HPN: variants seen among roughly 807,000 people sequenced by gnomAD.
HPN encodes the protein hepsin.
HPN carries 13 observed loss-of-function variants against 55.9 expected under a neutral mutation model. The ratio of observed to expected loss-of-function variants is 0.23; its 90% confidence interval spans 0.15 to 0.37. HPN has a LOEUF of 0.37. Among genes scored for constraint, HPN ranks in the 10% least tolerant of loss-of-function variants. The pLI is 1.00. For missense variants in HPN, 451 were observed against 575.8 expected (o/e 0.78, Z 2.22); for synonymous variants, 225 against 240.3 (o/e 0.94, Z 0.59).
intron 9 of HPN, 131 bp from the exon 10 acceptor site, chr19:35,065,119 G>C: frequency 1.6e-6 from 1 of 611,448 alleles, no homozygotes; most frequent in Non-Finnish European, 2.9e-6. Flanking sequence ...ACTGTGCCCA[G>C]CCTATTGTGG....
chr19:35,065,567 T>C lies in HPN; in HGVS notation c.936T>C (p.Ala312=). 6.2e-7 allele frequency: 1 copy of C among 1,614,124 alleles called. No individual in the cohort carries two copies. The highest frequency in any genetic ancestry group is 8.5e-7 in the Non-Finnish European group (1 of 1,180,020). ...AACAGGCCGGGGTACTCCAGGAGGC[T>C]CGAGTCCCCATAATCAGCAATGATG... ...YGQQAGVLQE[A]RVPIISNDVC... The change falls in exon 11 of 13, where the codon GCT becomes GCC. Residue 312 remains alanine (A), a synonymous_variant. Transcript: ENST00000672452.
chr19:35,061,415 G>A (rs1231868720), intron 9 of HPN, among the ~76,000 whole-genome samples: 1 of 149,524 alleles, frequency 6.7e-6, no homozygotes, highest in Non-Finnish European at 1.5e-5. Flanking sequence ...CCAACATGGT[G>A]AAACTCCATC....
intron 4 of HPN, chr19:35,050,473 A>T (rs1000833033): frequency 7.8e-7 from 1 of 1,285,946 alleles, no homozygotes; most frequent in African/African-American, 1.5e-5. Flanking sequence ...CAGAGAGGAC[A>T]TGCAGCTGGG....
intron 2 of HPN, among the ~76,000 whole-genome samples, chr19:35,043,738 G>A (rs2064316152): frequency 2.0e-5 from 3 of 152,246 alleles, no homozygotes; most frequent in South Asian, 2.1e-4. Context: ...CACCCTAGCC[G>A]AGCAGGTGGA....
intron 4 of HPN, among the ~76,000 whole-genome samples, chr19:35,057,080 C>T (rs7252069): frequency 8.5e-5 from 13 of 152,142 alleles, no homozygotes; most frequent in Non-Finnish European, 1.6e-4. Context: ...CTCACTTAAC[C>T]GACAGTCACA....
intron 4 of HPN, among the ~76,000 whole-genome samples, chr19:35,050,892 T>C (rs1434823426): frequency 1.3e-5 from 2 of 150,048 alleles, no homozygotes; most frequent in African/African-American, 4.9e-5. Flanking sequence ...CTTTTCTTTT[T>C]TTTTTCTTTC....
intron 9 of HPN, among the ~76,000 whole-genome samples, chr19:35,063,333 T>C (rs2064558650): frequency 6.6e-6 from 1 of 152,270 alleles, no homozygotes; most frequent in South Asian, 2.1e-4. Context: ...GTTGGCATTA[T>C]GTTTATTTTT....
chr19:35,064,900 C>A (rs1050859770), intron 9 of HPN, among the ~76,000 whole-genome samples: 1 of 152,112 alleles, frequency 6.6e-6, no homozygotes, highest in Admixed American at 6.6e-5. Flanking sequence ...CGGCTCACTG[C>A]AACCTCCACC....
chr19:35,050,571 A>T (rs971447509), intron 4 of HPN: 1 of 1,240,160 alleles, frequency 8.1e-7, no homozygotes, highest in Admixed American at 2.5e-5. Context: ...AAATAAATAG[A>T]TAAAGAAACT....
chr19:35,050,684 A>G (rs1405533883), intron 4 of HPN, among the ~76,000 whole-genome samples: 1 of 152,124 alleles, frequency 6.6e-6, no homozygotes. Context: ...GGTGGGATGT[A>G]TTTTTCATGT....
intron 4 of HPN, among the ~76,000 whole-genome samples, chr19:35,052,904 T>A (rs978055760): frequency 2.0e-5 from 3 of 152,110 alleles, no homozygotes; most frequent in African/African-American, 7.2e-5. Flanking sequence ...AGGCCACCAC[T>A]CACACCCGGC....
rs1295729332 is a variant in HPN, at chr19:35,060,724, C to T, written c.718C>T (p.His240Tyr). Reference protein sequence around the residue: ...LQLGVQAVVYHGGYLPFRDPN... With the variant: ...LQLGVQAVVYYGGYLPFRDPN... ...GCTGGGGGTGCAGGCTGTGGTCTAC[C>T]ACGGGGGCTATCTTCCCTTTCGGGA... The change falls in exon 9 of 13, where the codon CAC (histidine) becomes TAC (tyrosine). Residue 240 changes from histidine (H) to tyrosine (Y), a missense_variant. By Grantham distance (83) the His-to-Tyr change is moderately conservative. Coordinates refer to ENST00000672452, the MANE Select transcript of HPN (RefSeq NM_001384133.1). The T allele has an allele frequency of 6.2e-7, 1 of 1,614,138 alleles. No homozygotes were observed.
At chr19:35,060,560 G>C in intron 8 of HPN, 48 bp downstream of exon 8, 2 of 1,612,008 alleles carry the variant, frequency 1.2e-6, no homozygotes, top group Non-Finnish European at 1.7e-6. Flanking sequence ...GAGGAGCGGA[G>C]AGACAGTGGG....
chr19:35,059,282 C>G (rs563846093), intron 4 of HPN: 6 of 352,766 alleles, frequency 1.7e-5, no homozygotes, highest in South Asian at 1.3e-4. Flanking sequence ...GGCAACATAG[C>G]AAGACCCGTC....
upstream of HPN, chr19:35,041,690 A>AGAAAC: frequency 1.3e-6 from 1 of 773,492 alleles, no homozygotes; most frequent in Non-Finnish European, 1.5e-6. Context: ...CCGCCCCTTC[A>AGAAAC]CCCGCCCCTC....
In HPN at chr19:35,066,348, G is replaced by T; in HGVS notation, c.*61G>T. On this transcript the variant is annotated 3_prime_UTR_variant, in exon 13 of 13. Coordinates refer to ENST00000672452, the MANE Select transcript of HPN (RefSeq NM_001384133.1). ...AGGTGATCCCGGTGGTGGGATCCAC[G>T]CTGGGCCTAGGATGGGACGTTTTTC... 2 of 1,571,058 alleles carry T rather than the reference G, an allele frequency of 1.3e-6. No homozygotes were observed. Among genetic ancestry groups the T allele is most frequent in the East Asian group, 2.4e-5 (1 of 42,178 alleles).
rs374954663 is a variant in HPN at position 35,049,059 on chromosome 19, C to G, written c.17-231C>G. Among the ~76,000 whole-genome samples the G allele has an allele frequency of 5.8e-4, 89 of 152,300 alleles. 3 individuals are homozygous for G. The East Asian group carries it at 0.011, about 18-fold the overall frequency. On this transcript the variant is annotated intron_variant, in intron 2 of 12. Coordinates refer to ENST00000672452, the MANE Select transcript of HPN (RefSeq NM_001384133.1). ...GAGGTGGAGACCGTGGCAGGTGGCC[C>G]GGCCATGCCCCCCTCCCAGCTGGAA...
rs1365411746 is a variant in HPN at position 35,042,441 on chromosome 19, A to G, written c.-54-12A>G. 3.2e-6 allele frequency: 5 copies of G among 1,566,738 alleles called. No homozygotes were observed. The highest frequency in any genetic ancestry group is 4.3e-6 in the Non-Finnish European group (5 of 1,156,134). On this transcript the variant is annotated splice_polypyrimidine_tract_variant and intron_variant, in intron 1 of 12. Transcript: ENST00000672452. ...TCCCCCAGGCCCTGCCTCCCCGTCCATCTCCTCACAGGTCCCACCCTGGCC... is the reference window on the plus strand; with the variant it reads ...TCCCCCAGGCCCTGCCTCCCCGTCCGTCTCCTCACAGGTCCCACCCTGGCC...
At chr19:35,065,477 C>T in intron 10 of HPN, 62 bp from the exon 11 acceptor site, 1 of 1,592,372 alleles carries the variant, frequency 6.3e-7, no homozygotes, top group Non-Finnish European at 8.6e-7. Flanking sequence ...GGGTGGGCAC[C>T]AGGAGGGAAG....
Sources: allele counts gnomAD v4.1 joint callset (sites outside exome capture counted in the v4.1 genomes callset), GRCh38; gene constraint gnomAD v4.1.1; transcripts MANE v1.5; gene names NCBI Gene and HGNC (gene_info 2026-07-23, HGNC 2026-07-21).